Variants in PDGFRL observed in about 807,000 individuals in gnomAD.
The protein encoded by PDGFRL is platelet-derived growth factor receptor-like protein.
PDGFRL carries 46 observed loss-of-function variants against 37.2 expected under a neutral mutation model. The observed-to-expected ratio is 1.24, with a 90% CI of 0.98 to 1.58. PDGFRL has a LOEUF of 1.58. PDGFRL is among the 40% of genes most tolerant of loss of function. The pLI, the probability that PDGFRL is intolerant of heterozygous loss-of-function variation, is 0.00. For synonymous variants in PDGFRL, 251 were observed against 184.3 expected, an observed-to-expected ratio of 1.36 and a Z score of -2.93; for missense variants, 692 against 467.6, an observed-to-expected ratio of 1.48 and a Z score of -4.43.
rs185247618 is a variant in PDGFRL, at chr8:17,611,434, C to T, written c.354-9617C>T. On this transcript the variant is annotated intron_variant, in intron 2 of 5. Coordinates refer to ENST00000251630, the MANE Select transcript of PDGFRL (RefSeq NM_001372073.1). ...GGATTTGAACCAAGGAAAGCTGACT[C>T]CTGAGTGCATGCTCTTAACCGCCCT... Among the ~76,000 whole-genome samples, 7 of 152,292 alleles carry T rather than the reference C, an allele frequency of 4.6e-5. No individual in the cohort carries two copies. The East Asian group carries it at 1.4e-3, about 29-fold the overall frequency.
At chr8:17,601,563 A>T (rs1225386034) in intron 2 of PDGFRL, among the ~76,000 whole-genome samples, 1 of 151,292 alleles carries the variant, frequency 6.6e-6, no homozygotes, top group African/African-American at 2.4e-5. Context: ...TTATTTCATT[A>T]TCCAGGTAAT....
chr8:17,587,973 G>T (rs902223269), intron 1 of PDGFRL, among the ~76,000 whole-genome samples: 1 of 151,864 alleles, frequency 6.6e-6, no homozygotes, highest in Non-Finnish European at 1.5e-5. Flanking sequence ...CAACTGTGTG[G>T]CTGCAAGGGG....
At chr8:17,628,241 G>C (rs556839172) in intron 3 of PDGFRL, among the ~76,000 whole-genome samples, 1 of 151,764 alleles carries the variant, frequency 6.6e-6, no homozygotes, top group African/African-American at 2.4e-5. Context: ...TGATCTGCCC[G>C]CCTCAGCCTC....
chr8:17,594,427 G>C (rs1418952013), intron 2 of PDGFRL, among the ~76,000 whole-genome samples: 1 of 151,916 alleles, frequency 6.6e-6, no homozygotes, highest in Non-Finnish European at 1.5e-5. Context: ...CTTCTATAGA[G>C]ACAGGGTTTC....
chr8:17,616,845 T>C (rs1209196975), intron 2 of PDGFRL, among the ~76,000 whole-genome samples: 1 of 152,198 alleles, frequency 6.6e-6, no homozygotes, highest in Non-Finnish European at 1.5e-5. Flanking sequence ...TGAATCATTA[T>C]CTTGTAACCC....
In PDGFRL at chr8:17,584,763, G is replaced by T. The variant is rs7830566; in HGVS notation, c.56-4705G>T. Among the ~76,000 whole-genome samples the T allele has an allele frequency of 8.2e-3, 1,245 of 151,354 alleles. 25 individuals are homozygous for T. The highest frequency in any genetic ancestry group is 0.029 in the African/African-American group (1,182 of 41,064). ...TACTTTAAACAGTGGTAGTGTTACC[G>T]GAAAGGGGTCCTGATCCAGACCGCA... is the stretch of plus-strand genomic sequence containing the variant. On this transcript the variant is annotated intron_variant, in intron 1 of 5. Coordinates refer to ENST00000251630, the MANE Select transcript of PDGFRL (RefSeq NM_001372073.1).
chr8:17,635,935 A>G (rs959604251), intron 5 of PDGFRL, among the ~76,000 whole-genome samples: 6 of 152,116 alleles, frequency 3.9e-5, no homozygotes, highest in Admixed American at 3.3e-4. Flanking sequence ...AGAATTGTCT[A>G]TTCATGTCCT....
chr8:17,578,290 C>T (rs1422730362), intron 1 of PDGFRL, among the ~76,000 whole-genome samples: 1 of 152,174 alleles, frequency 6.6e-6, no homozygotes, highest in African/African-American at 2.4e-5. Flanking sequence ...CCAGCTCGAC[C>T]TGGCTCACAT....
chr8:17,606,265 G>A (rs1804274830), intron 2 of PDGFRL, among the ~76,000 whole-genome samples: 1 of 152,128 alleles, frequency 6.6e-6, no homozygotes, highest in Non-Finnish European at 1.5e-5. Flanking sequence ...AGATAGTTCA[G>A]TACACTTAAG....
chr8:17,628,464 C>G, intron 3 of PDGFRL, 23 bp from the exon 4 acceptor site: 1 of 1,604,366 alleles, frequency 6.2e-7, no homozygotes, highest in South Asian at 1.1e-5. Context: ...GTGAATAAGC[C>G]TGTGTCTTCC....
chr8:17,578,726 T>C lies in PDGFRL; in HGVS notation c.55+1419T>C, dbSNP rs1178543092. 2.6e-5 allele frequency among the ~76,000 whole-genome samples: 4 copies of C among 152,190 alleles called. 1 individual carries two copies. The highest frequency in any genetic ancestry group is 5.9e-5 in the Non-Finnish European group (4 of 68,036). ...ATTGACTTCCATTCTGCCTCCTGGA[T>C]CTCACCCAGCCCATGTGAGTTTATT... On this transcript the variant is annotated intron_variant, in intron 1 of 5. Transcript: ENST00000251630.
At chr8:17,586,962 A>G (rs997550062) in intron 1 of PDGFRL, among the ~76,000 whole-genome samples, 4 of 152,200 alleles carry the variant, frequency 2.6e-5, no homozygotes, top group African/African-American at 9.7e-5. Context: ...ATGGTAATGG[A>G]CGTTCACTTA....
At chr8:17,580,921 C>G (rs1436393566) in intron 1 of PDGFRL, among the ~76,000 whole-genome samples, 1 of 150,796 alleles carries the variant, frequency 6.6e-6, no homozygotes, top group Non-Finnish European at 1.5e-5. Flanking sequence ...ATGTGACCAT[C>G]TTCTCCCCGT....
intron 2 of PDGFRL, among the ~76,000 whole-genome samples, chr8:17,620,597 C>G (rs548514268): frequency 6.6e-6 from 1 of 152,214 alleles, no homozygotes; most frequent in African/African-American, 2.4e-5. Context: ...TTGCTCATTC[C>G]TTGAGTTTTG....
At chr8:17,578,357 C>T (rs191452209) in intron 1 of PDGFRL, among the ~76,000 whole-genome samples, 1 of 152,214 alleles carries the variant, frequency 6.6e-6, no homozygotes, top group East Asian at 1.9e-4. Flanking sequence ...ACTACATTTG[C>T]CAAAAAAATA....
At chr8:17,588,940 G>A (rs1370525341) in intron 1 of PDGFRL, among the ~76,000 whole-genome samples, 1 of 152,070 alleles carries the variant, frequency 6.6e-6, no homozygotes, top group Non-Finnish European at 1.5e-5. Flanking sequence ...CTGTTTTGCT[G>A]AATTTGAATA....
intron 1 of PDGFRL, among the ~76,000 whole-genome samples, chr8:17,586,096 C>T (rs1321010325): frequency 1.3e-5 from 2 of 152,062 alleles, no homozygotes; most frequent in African/African-American, 2.4e-5. Flanking sequence ...GGACTACAGG[C>T]GTGTGCCGCC....
intron 2 of PDGFRL, among the ~76,000 whole-genome samples, chr8:17,620,722 A>T (rs893734168): frequency 6.6e-6 from 1 of 152,164 alleles, no homozygotes; most frequent in African/African-American, 2.4e-5. Flanking sequence ...AATTTTTTGA[A>T]TTGTTGCAAA....
At position 17,593,246 on chromosome 8, in the gene PDGFRL, A is replaced by G. The variant is rs149478029; in HGVS notation, c.353+3481A>G. 5.8e-3 allele frequency among the ~76,000 whole-genome samples: 885 copies of G among 152,040 alleles called. 7 individuals are homozygous for G. Among genetic ancestry groups the G allele is most frequent in the African/African-American group, 0.02 (838 of 41,462 alleles). On this transcript the variant is annotated intron_variant, in intron 2 of 5. Coordinates refer to ENST00000251630, the MANE Select transcript of PDGFRL (RefSeq NM_001372073.1). ...TGGAAGAAATCTGGAAAGGCTTACC[A>G]CTATATATATTTATGTACAGTAAAA...
Sources: allele counts gnomAD v4.1 joint callset (sites outside exome capture counted in the v4.1 genomes callset), GRCh38; gene constraint gnomAD v4.1.1; transcripts MANE v1.5; gene names NCBI Gene and HGNC (gene_info 2026-07-23, HGNC 2026-07-21).